Variants in MYLK observed in about 807,000 individuals in gnomAD.
MYLK encodes the protein myosin light chain kinase.
In MYLK, 106 loss-of-function variants were observed where a neutral mutation model predicts 203.4. That is an observed-to-expected ratio of 0.52 (90% confidence interval 0.45 to 0.61). The LOEUF (loss-of-function observed/expected upper bound fraction) is 0.61, where lower values mean the gene tolerates loss of function less well. Among genes scored for constraint, MYLK ranks in the 20% least tolerant of loss-of-function variants. The pLI is 0.00. For missense variants in MYLK, 2,072 were observed against 2,442.3 expected (o/e 0.85, Z 3.20); for synonymous variants, 867 against 959.5 (o/e 0.90, Z 1.78).
chr3:123,623,894 A>G (rs1364425374), intron 31 of MYLK: 2 of 152,206 alleles, frequency 1.3e-5, no homozygotes, highest in Admixed American at 6.5e-5. Flanking sequence ...TTTGTGTGCA[A>G]TTTTGTGGAA....
chr3:123,814,017 A>C (rs1014643052), intron 3 of MYLK: 11 of 181,336 alleles, frequency 6.1e-5, no homozygotes, highest in Non-Finnish European at 1.3e-4. Context: ...CTCTACCCTA[A>C]TCACTCCCAT....
rs548876789 is a variant in MYLK at position 123,739,991 on chromosome 3, C to T, written c.384G>A (p.Ala128=). Residue 128 remains alanine (A), a synonymous_variant, in exon 6 of 34, where the codon GCG becomes GCA. Coordinates refer to ENST00000360304, the MANE Select transcript of MYLK (RefSeq NM_053025.4). ...AAACAACAGGCTGACCAAGCTGCTTCGCAAAACTTCCTGCAAGAAAAAGAG... is the reference window on the plus strand; with the variant it reads ...AAACAACAGGCTGACCAAGCTGCTTTGCAAAACTTCCTGCAAGAAAAAGAG... ...TVELTVEGSF[A]KQLGQPVVSK... is the part of the protein sequence containing the mutation. 80 of 1,613,796 alleles carry T rather than the reference C, an allele frequency of 5.0e-5. 1 individual carries two copies. Among genetic ancestry groups the T allele is most frequent in the Non-Finnish European group, 5.8e-5 (69 of 1,179,842 alleles).
chr3:123,820,939 G>C (rs535058201), intron 3 of MYLK, among the ~76,000 whole-genome samples: 1 of 152,160 alleles, frequency 6.6e-6, no homozygotes, highest in African/African-American at 2.4e-5. Context: ...ATGTTAACCA[G>C]GCTGGTGTCG....
At position 123,834,337 on chromosome 3, in the gene MYLK, C is replaced by A. The variant is rs553179502; in HGVS notation, c.-126-2667G>T. Among the ~76,000 whole-genome samples the A allele has an allele frequency of 2.3e-3, 346 of 152,298 alleles. 2 individuals carry two copies. The highest frequency in any genetic ancestry group is 9.2e-3 in the Admixed American group (140 of 15,294). On this transcript the variant is annotated intron_variant, in intron 2 of 33. Transcript: ENST00000360304. ...CTGGGATTACAGGCGTGAGCTACTGCGCCCAGCCTCAGAGTTTGGTAACTT... is the reference window on the plus strand; with the variant it reads ...CTGGGATTACAGGCGTGAGCTACTGAGCCCAGCCTCAGAGTTTGGTAACTT...
chr3:123,817,720 ATAGCGGG>A (rs1384063741), intron 3 of MYLK, among the ~76,000 whole-genome samples: 1 of 152,194 alleles, frequency 6.6e-6, no homozygotes, highest in African/African-American at 2.4e-5. Context: ...TTACAGGCTG[ATAGCGGG>A]TAAGGAACCA....
chr3:123,641,610 G>A (rs191063000), intron 27 of MYLK, among the ~76,000 whole-genome samples: 11 of 151,910 alleles, frequency 7.2e-5, no homozygotes, highest in East Asian at 5.9e-4. Flanking sequence ...GGTCTCCAGC[G>A]ATTATCCCAC....
chr3:123,774,578 G>A (rs1277284149), intron 4 of MYLK, among the ~76,000 whole-genome samples: 2 of 152,158 alleles, frequency 1.3e-5, no homozygotes, highest in Admixed American at 1.3e-4. Flanking sequence ...ACTTTTCAGG[G>A]GAGTCAAACA....
intron 4 of MYLK, among the ~76,000 whole-genome samples, chr3:123,755,059 G>T (rs2063321177): frequency 6.6e-6 from 1 of 152,132 alleles, no homozygotes; most frequent in South Asian, 2.1e-4. Context: ...ACAGAAGGTG[G>T]CCCCTCAGGA....
At chr3:123,819,930 C>A (rs555814306) in intron 3 of MYLK, among the ~76,000 whole-genome samples, 105 of 152,004 alleles carry the variant, frequency 6.9e-4, no homozygotes, top group East Asian at 4.5e-3. Context: ...CACCCTCCTT[C>A]TAAATCTAGT....
chr3:123,790,590 G>A (rs2064741650), intron 4 of MYLK, among the ~76,000 whole-genome samples: 1 of 152,198 alleles, frequency 6.6e-6, no homozygotes, highest in Admixed American at 6.5e-5. Flanking sequence ...GAGCTTTATT[G>A]AAGGAAGTGG....
At chr3:123,653,373 A>AT (rs775415454) in intron 24 of MYLK, among the ~76,000 whole-genome samples, 53 of 152,102 alleles carry the variant, frequency 3.5e-4, no homozygotes, top group Non-Finnish European at 6.8e-4. Context: ...TTTGCCTGGA[A>AT]TCCCCTCAAC....
chr3:123,661,941 C>T (rs1027278102), intron 23 of MYLK, among the ~76,000 whole-genome samples: 5 of 152,178 alleles, frequency 3.3e-5, no homozygotes, highest in African/African-American at 1.2e-4. Context: ...TCACTGGCCA[C>T]CTCATTTGTC....
chr3:123,789,560 G>A (rs1424307368), intron 4 of MYLK, among the ~76,000 whole-genome samples: 2 of 151,928 alleles, frequency 1.3e-5, no homozygotes, highest in African/African-American at 4.8e-5. Flanking sequence ...TTGTGGGCAC[G>A]GGAAGAGGGA....
intron 4 of MYLK, among the ~76,000 whole-genome samples, chr3:123,786,826 T>C (rs2064552283): frequency 6.6e-6 from 1 of 152,228 alleles, no homozygotes; most frequent in African/African-American, 2.4e-5. Context: ...GGTTACTATG[T>C]ATACATGGCC....
intron 29 of MYLK, among the ~76,000 whole-genome samples, chr3:123,631,040 G>GC (rs1298095833): frequency 1.3e-5 from 2 of 152,094 alleles, no homozygotes; most frequent in African/African-American, 4.8e-5. Flanking sequence ...TGAACAAGTG[G>GC]CCCCACCTTT....
intron 31 of MYLK, chr3:123,621,029 C>G (rs1306251573): frequency 2.0e-5 from 3 of 152,204 alleles, no homozygotes; most frequent in Non-Finnish European, 4.4e-5. Context: ...CCTTGGTGTG[C>G]ATTCAGGCAC....
At chr3:123,881,777 C>A (rs139862314) in intron 1 of MYLK, among the ~76,000 whole-genome samples, 1 of 152,152 alleles carries the variant, frequency 6.6e-6, no homozygotes, top group Non-Finnish European at 1.5e-5. Flanking sequence ...GTGACCCCAG[C>A]GCATTCACAA....
Position 123,793,793 on chromosome 3 carries a change from G to A in MYLK, c.49C>T (p.Leu17Phe), listed in dbSNP as rs1048197599. The A allele has an allele frequency of 1.8e-5, 29 of 1,614,106 alleles. No individual in the cohort carries two copies. Among genetic ancestry groups the A allele is most frequent in the African/African-American group, 2.7e-5 (2 of 74,932 alleles). ...VASSHISKTS[L>F]SVDPSRVDSM... ...TCAACTCTTGAGGGATCCACACTGA[G>A]GGAGGTTTTGGAAATGTGTGACGAG... Residue 17 changes from leucine (L) to phenylalanine (F), a missense_variant, in exon 4 of 34, where the codon CTC becomes TTC. Physicochemically the swap from Leu to Phe is conservative, Grantham distance 22 (BLOSUM62 0). This residue lies in a region of MYLK where 683 missense variants were observed against 643.8 expected (regional missense o/e 1.06). Transcript: ENST00000360304.
chr3:123,877,199 T>C (rs2033205114), intron 1 of MYLK, among the ~76,000 whole-genome samples: 1 of 152,136 alleles, frequency 6.6e-6, no homozygotes, highest in Admixed American at 6.5e-5. Context: ...AGAAGTCTGG[T>C]TGTAGTGGGA....
Sources: allele counts gnomAD v4.1 joint callset (sites outside exome capture counted in the v4.1 genomes callset), GRCh38; gene constraint gnomAD v4.1.1; regional missense constraint gnomAD v4.1.1; transcripts MANE v1.5; gene names NCBI Gene and HGNC (gene_info 2026-07-23, HGNC 2026-07-21).